CNIH3: variants seen among roughly 807,000 people sequenced by gnomAD.
The protein encoded by CNIH3 is cornichon family AMPA receptor auxiliary protein 3, also known as protein cornichon homolog 3.
In CNIH3, 14 loss-of-function variants were observed where a neutral mutation model predicts 24.1. That is an observed-to-expected ratio of 0.58 (90% CI 0.38 to 0.91). CNIH3 has a LOEUF of 0.91. Among genes scored for constraint, CNIH3 ranks in the 40% least tolerant of loss-of-function variants. The pLI, the probability that CNIH3 is intolerant of heterozygous loss-of-function variation, is 0.00. For missense variants in CNIH3, 178 were observed against 196.8 expected (o/e 0.90, Z 0.57); for synonymous variants, 68 against 73.8 (o/e 0.92, Z 0.40).
downstream of CNIH3, among the ~76,000 whole-genome samples, chr1:224,542,356 T>C (rs1208207473): frequency 6.6e-6 from 1 of 152,154 alleles, no homozygotes; most frequent in African/African-American, 2.4e-5. Context: ...CCACACTTGA[T>C]TGGACTAACA....
chr1:224,489,269 TTCCAGCA>T (rs1677150192), intron 1 of CNIH3, among the ~76,000 whole-genome samples: 1 of 152,244 alleles, frequency 6.6e-6, no homozygotes, highest in Non-Finnish European at 1.5e-5. Flanking sequence ...ACACATGTGG[TTCCAGCA>T]TCAGCTGGAC....
At chr1:224,561,348 A>G (rs1040648698) in intron 3 of CNIH3, among the ~76,000 whole-genome samples, 12 of 152,104 alleles carry the variant, frequency 7.9e-5, no homozygotes, top group Admixed American at 1.3e-4. Flanking sequence ...TATCATTTCA[A>G]ACTTAGATCT....
chr1:224,513,635 G>C (rs1678261268), upstream of CNIH3: 2 of 152,240 alleles, frequency 1.3e-5, no homozygotes, highest in Non-Finnish European at 2.9e-5. Context: ...ATGAGAAGAG[G>C]CCCTTCGAAT....
intron 1 of CNIH3, among the ~76,000 whole-genome samples, chr1:224,516,066 C>A (rs537637981): frequency 1.2e-3 from 175 of 152,046 alleles, no homozygotes; most frequent in African/African-American, 4.1e-3. Flanking sequence ...CCTGTAATCC[C>A]AGCACTTTGG....
chr1:224,729,859 C>G (rs990417378), intron 3 of CNIH3, among the ~76,000 whole-genome samples: 1 of 152,148 alleles, frequency 6.6e-6, no homozygotes. Flanking sequence ...CCCTCTTCCC[C>G]CAGAGGCTAC....
downstream of CNIH3, among the ~76,000 whole-genome samples, chr1:224,588,968 G>GTTTTTTTTTTTTTT (rs974335950): frequency 5.5e-4 from 62 of 112,310 alleles, 1 homozygote; most frequent in South Asian, 3.7e-3. Context: ...CTGACCCCCT[G>GTTTTTTTTTTTTTT]TTTTTTTTTT....
chr1:224,537,805 G>A (rs571297631), downstream of CNIH3, among the ~76,000 whole-genome samples: 5 of 152,292 alleles, frequency 3.3e-5, no homozygotes, highest in South Asian at 4.2e-4. Context: ...ACAGGGAGAC[G>A]CTGGATTAAT....
intron 4 of CNIH3, among the ~76,000 whole-genome samples, chr1:224,575,842 T>C (rs1254351231): frequency 6.6e-6 from 1 of 152,226 alleles, no homozygotes; most frequent in Non-Finnish European, 1.5e-5. Context: ...AAATCATGTC[T>C]CTATCACTTA....
rs1572712519 is a variant in CNIH3 at position 224,681,084 on chromosome 1, G to T, written c.150+58G>T. The T allele has an allele frequency of 4.3e-6, 6 of 1,389,690 alleles. No homozygotes were observed. In the East Asian group the frequency reaches 1.4e-4, roughly 32 times the overall value. 86.1% of individuals were successfully genotyped at this position (1,389,690 alleles called of 1,614,324 possible). On this transcript the variant is annotated intron_variant, in intron 2 of 5. Transcript: ENST00000272133. ...TATCACCCCAGGCTACCCAGGGCCT[G>T]GGAAGGAGGGTGAGAATGTGAATGA...
In CNIH3 at chr1:224,505,148, A is replaced by G. The variant is rs548189535; in HGVS notation, n.204-10593A>G. 3.1e-4 allele frequency among the ~76,000 whole-genome samples: 47 copies of G among 151,650 alleles called. No individual in the cohort carries two copies. The South Asian group carries it at 9.6e-3, about 31-fold the overall frequency. ...CATGGCCAAACTCTGTCTCTACAAA[A>G]AATACAAAAATTAGCCAGGTATGGT... is the stretch of plus-strand genomic sequence containing the variant. On this transcript the variant is annotated intron_variant and non_coding_transcript_variant, in intron 1 of 5. Coordinates refer to the CNIH3 transcript ENST00000471578.
chr1:224,637,659 C>T (rs1318262309), intron 1 of CNIH3, among the ~76,000 whole-genome samples: 2 of 152,206 alleles, frequency 1.3e-5, no homozygotes, highest in Non-Finnish European at 2.9e-5. Flanking sequence ...AGGAACGGAT[C>T]ATGAACAAGG....
At chr1:224,443,617 C>T (rs1163250522) in intron 1 of CNIH3, among the ~76,000 whole-genome samples, 1 of 152,020 alleles carries the variant, frequency 6.6e-6, no homozygotes, top group African/African-American at 2.4e-5. Context: ...CCTTGGCATA[C>T]ACCCCAAAGA....
downstream of CNIH3, among the ~76,000 whole-genome samples, chr1:224,593,295 C>T (rs1681840886): frequency 1.3e-5 from 2 of 152,252 alleles, no homozygotes; most frequent in Middle Eastern, 6.8e-3. Flanking sequence ...GCTGGGACCA[C>T]AGGCATGTGG....
rs750804961 is a variant in CNIH3, at chr1:224,616,738, G to C, written c.-437G>C. ...CGGGAGGGTCCGGAGCGGAGCGCTC[G>C]TCTCTCCTCAGCGGTTTAGTGGAGA... On this transcript the variant is annotated 5_prime_UTR_variant, in exon 1 of 6. Coordinates refer to ENST00000272133, the MANE Select transcript of CNIH3 (RefSeq NM_152495.2). The C allele has an allele frequency of 1.3e-5, 13 of 1,001,390 alleles. No homozygotes were observed. Among genetic ancestry groups the C allele is most frequent in the Non-Finnish European group, 1.5e-5 (13 of 840,848 alleles). 62.0% of individuals were successfully genotyped at this position (1,001,390 alleles called of 1,614,324 possible).
chr1:224,568,769 A>G (rs186897158), intron 4 of CNIH3, among the ~76,000 whole-genome samples: 9 of 152,250 alleles, frequency 5.9e-5, no homozygotes, highest in African/African-American at 2.2e-4. Context: ...TATAAAAAGA[A>G]TTACAGAAGA....
chr1:224,695,415 C>T (rs1687120729), intron 3 of CNIH3, among the ~76,000 whole-genome samples: 1 of 151,730 alleles, frequency 6.6e-6, no homozygotes, highest in Admixed American at 6.6e-5. Context: ...TTCTGTTTTA[C>T]TGGAGAGCCC....
chr1:224,626,815 CTATT>C (rs1470099036), intron 1 of CNIH3, among the ~76,000 whole-genome samples: 1 of 152,180 alleles, frequency 6.6e-6, no homozygotes, highest in Non-Finnish European at 1.5e-5. Flanking sequence ...GTAGATATGT[CTATT>C]TATTCTTTCT....
chr1:224,609,773 AGGCATTCCCCTTTAC>A (rs951263554), intron 3 of CNIH3, among the ~76,000 whole-genome samples: 1 of 152,232 alleles, frequency 6.6e-6, no homozygotes, highest in African/African-American at 2.4e-5. Flanking sequence ...ATGAATCCAA[AGGCATTCCCCTTTAC>A]GCTTTGACCA....
chr1:224,575,106 C>A, intron 4 of CNIH3: 1 of 890,590 alleles, frequency 1.1e-6, no homozygotes, highest in Non-Finnish European at 1.9e-6. Flanking sequence ...CTGGGCCAAG[C>A]CTGAGGACCC....
Sources: allele counts gnomAD v4.1 joint callset (sites outside exome capture counted in the v4.1 genomes callset), GRCh38; gene constraint gnomAD v4.1.1; transcripts MANE v1.5; gene names NCBI Gene and HGNC (gene_info 2026-07-23, HGNC 2026-07-21).